The following DNAJB6 variants were observed in gnomAD, a reference collection of about 807,000 sequenced individuals.
DNAJB6 encodes dnaJ homolog subfamily B member 6.
Under a neutral mutation model 42.7 loss-of-function variants are expected in DNAJB6, and 16 were observed. The observed-to-expected ratio is 0.37, with a 90% CI of 0.25 to 0.57. The LOEUF is 0.57. DNAJB6 is among the 20% of genes least tolerant of loss of function. The pLI is 0.74. For missense variants in DNAJB6, 347 were observed against 416.8 expected (o/e 0.83, Z 1.46); for synonymous variants, 170 against 163.5 (o/e 1.04, Z -0.30).
At chr7:157,371,666 A>C (rs1355361190) in intron 5 of DNAJB6, among the ~76,000 whole-genome samples, 1 of 152,252 alleles carries the variant, frequency 6.6e-6, no homozygotes, top group Admixed American at 6.5e-5. Flanking sequence ...AGCACATGCA[A>C]ATGAGCTCTT....
At chr7:157,384,553 C>T (rs761155148) in intron 6 of DNAJB6, among the ~76,000 whole-genome samples, 2 of 152,200 alleles carry the variant, frequency 1.3e-5, no homozygotes, top group African/African-American at 4.8e-5. Flanking sequence ...CCAAGCAGAC[C>T]ACCCACAAGC....
At chr7:157,397,362 C>T (rs1275518992) in intron 8 of DNAJB6, among the ~76,000 whole-genome samples, 2 of 152,150 alleles carry the variant, frequency 1.3e-5, no homozygotes, top group South Asian at 2.1e-4. Flanking sequence ...AGAGGGGGTG[C>T]GGGTGAATGG....
At chr7:157,381,337 A>T (rs1347157609) in intron 5 of DNAJB6, 1 of 152,128 alleles carries the variant, frequency 6.6e-6, no homozygotes, top group African/African-American at 2.4e-5. Context: ...TAATGCACCT[A>T]TTAGGATTCC....
At chr7:157,387,296 G>A (rs1801113795) in intron 8 of DNAJB6, among the ~76,000 whole-genome samples, 1 of 152,200 alleles carries the variant, frequency 6.6e-6, no homozygotes, top group African/African-American at 2.4e-5. Flanking sequence ...CTGTTGTGTC[G>A]GAAATAACCC....
chr7:157,388,971 A>G (rs77969111), intron 8 of DNAJB6, among the ~76,000 whole-genome samples: 4 of 152,182 alleles, frequency 2.6e-5, no homozygotes, highest in Non-Finnish European at 4.4e-5. Flanking sequence ...AAAGATGTCA[A>G]TCAATAGTGG....
At chr7:157,340,700 G>T (rs1483285746) in intron 1 of DNAJB6, among the ~76,000 whole-genome samples, 3 of 152,156 alleles carry the variant, frequency 2.0e-5, no homozygotes, top group African/African-American at 7.2e-5. Flanking sequence ...ACTTGAGATG[G>T]AGTCCTTGCT....
chr7:157,347,626 A>ATT (rs1206540941), intron 1 of DNAJB6, among the ~76,000 whole-genome samples: 1 of 152,198 alleles, frequency 6.6e-6, no homozygotes, highest in Non-Finnish European at 1.5e-5. Context: ...TACCTGTAAG[A>ATT]ATGTGTGACA....
chr7:157,384,573 C>A (rs1052540334), intron 6 of DNAJB6, among the ~76,000 whole-genome samples: 1 of 152,212 alleles, frequency 6.6e-6, no homozygotes, highest in African/African-American at 2.4e-5. Context: ...CAGGGGCTGT[C>A]TTTGGCATGT....
chr7:157,360,289 T>C (rs1799513482), intron 2 of DNAJB6, among the ~76,000 whole-genome samples: 1 of 152,132 alleles, frequency 6.6e-6, no homozygotes, highest in Admixed American at 6.5e-5. Flanking sequence ...CCATCAGGTC[T>C]TGTGAGGCTT....
intron 1 of DNAJB6, among the ~76,000 whole-genome samples, chr7:157,342,183 T>C (rs1798427076): frequency 6.6e-6 from 1 of 151,584 alleles, no homozygotes; most frequent in Admixed American, 6.6e-5. Context: ...AATAATTTTT[T>C]TTGAGACAGG....
chr7:157,407,682 G>A (rs1452860626), intron 8 of DNAJB6, among the ~76,000 whole-genome samples: 1 of 152,168 alleles, frequency 6.6e-6, no homozygotes, highest in Non-Finnish European at 1.5e-5. Context: ...GTGTCCCCGG[G>A]CAGCCTGCAG....
In DNAJB6 at chr7:157,357,136, T is replaced by TA. The variant is rs930150582; in HGVS notation, c.-26-1400dup. On this transcript the variant is annotated intron_variant, in intron 1 of 9. Coordinates refer to ENST00000262177, the MANE Select transcript of DNAJB6 (RefSeq NM_058246.4). The stretch of plus-strand genomic sequence containing the variant: ...CAACAAAGTGAGACCCTGTCTCAAT[T>TA]AAAAAAAAAAACAAAAAACAAAAAC... Among the ~76,000 whole-genome samples the TA allele has an allele frequency of 4.6e-3, 648 of 140,608 alleles. 3 individuals are homozygous for TA. The highest frequency in any genetic ancestry group is 7.9e-3 in the Non-Finnish European group (508 of 64,218). The allele number at this position is 140,608 out of a possible 152,430, so 92.2% of individuals were successfully genotyped here. A position where few individuals can be genotyped will look rare whatever the true frequency, so the allele number is the denominator to read the frequency against.
In DNAJB6 at chr7:157,407,106, G is replaced by C. The variant is rs559994877; in HGVS notation, c.692-2689G>C. Among the ~76,000 whole-genome samples the C allele has an allele frequency of 5.9e-5, 9 of 152,360 alleles. No individual in the cohort carries two copies. The South Asian group carries it at 1.9e-3, about 32-fold the overall frequency. On this transcript the variant is annotated intron_variant, in intron 8 of 9. Coordinates refer to ENST00000262177, the MANE Select transcript of DNAJB6 (RefSeq NM_058246.4). ...CGGGGAACAGCTGGGAGGTGGGGGG[G>C]GTCCCAACCGCAGCTGAGCTGGAAG... is the stretch of plus-strand genomic sequence containing the variant.
At chr7:157,363,306 G>T (rs1265018195) in intron 3 of DNAJB6, 36 bp downstream of exon 3, 1 of 1,454,956 alleles carries the variant, frequency 6.9e-7, no homozygotes, top group Admixed American at 1.8e-5. Context: ...ACCCTGAGCG[G>T]GCATGCCGGA....
chr7:157,369,295 C>G (rs1479239474), intron 5 of DNAJB6: 7 of 456,642 alleles, frequency 1.5e-5, no homozygotes, highest in Non-Finnish European at 2.6e-5. Context: ...GGATTGATCT[C>G]TGTCTTAAAA....
chr7:157,412,476 T>G (rs1182578184), intron 9 of DNAJB6: 1 of 152,172 alleles, frequency 6.6e-6, no homozygotes, highest in African/African-American at 2.4e-5. Context: ...GCCTGCTGGG[T>G]GTTCTGACGA....
chr7:157,341,557 G>T (rs1036560984), intron 1 of DNAJB6, among the ~76,000 whole-genome samples: 2 of 152,158 alleles, frequency 1.3e-5, no homozygotes, highest in East Asian at 1.9e-4. Flanking sequence ...TAAATTAAAA[G>T]TGTGTTTTAT....
At chr7:157,409,380 C>T (rs2240986) in intron 8 of DNAJB6, among the ~76,000 whole-genome samples, 18,136 of 152,174 alleles carry the variant, frequency 0.12, 1,359 homozygotes, top group East Asian at 0.29. Flanking sequence ...GGATGTCTTC[C>T]GTGTATGGAC....
At chr7:157,350,531 G>A (rs1798915922) in intron 1 of DNAJB6, among the ~76,000 whole-genome samples, 1 of 152,134 alleles carries the variant, frequency 6.6e-6, no homozygotes, top group Admixed American at 6.5e-5. Flanking sequence ...ACTGGCGTTT[G>A]TTCAGGCAGA....
Sources: gnomAD v4.1 joint callset for allele counts (sites outside exome capture counted in the v4.1 genomes callset) on GRCh38, gnomAD v4.1.1 for gene constraint, MANE v1.5 for transcripts, NCBI Gene and HGNC (gene_info 2026-07-23, HGNC 2026-07-21) for gene names.